NME8: variants seen among roughly 807,000 people sequenced by gnomAD.
NME8 encodes the protein NME/NM23 family member 8.
NME8 carries 72 observed loss-of-function variants against 82.3 expected under a neutral mutation model. The observed-to-expected ratio is 0.87, with a 90% CI of 0.72 to 1.06. The LOEUF (loss-of-function observed/expected upper bound fraction) is 1.06, where lower values mean the gene tolerates loss of function less well. NME8 is among the 50% of genes least tolerant of loss of function. The pLI is 0.00. For missense variants in NME8, 712 were observed against 685.4 expected, an observed-to-expected ratio of 1.04 and a Z score of -0.43; for synonymous variants, 267 against 228.5, an observed-to-expected ratio of 1.17 and a Z score of -1.52.
At chr7:37,891,696 GC>G in intron 15 of NME8, among the ~76,000 whole-genome samples, 1 of 151,800 alleles carries the variant, frequency 6.6e-6, no homozygotes, top group East Asian at 1.9e-4. Context: ...GGCCAGTAAA[GC>G]CCCTTCCTCA....
intron 10 of NME8, 128 bp downstream of exon 10, chr7:37,865,745 G>T (rs1467130669): frequency 4.4e-6 from 3 of 683,598 alleles, no homozygotes; most frequent in African/African-American, 3.6e-5. Flanking sequence ...TGGTGTCCCT[G>T]TTGGTGTCCA....
intron 8 of NME8, among the ~76,000 whole-genome samples, chr7:37,864,056 T>C (rs1784637522): frequency 6.6e-6 from 1 of 152,220 alleles, no homozygotes; most frequent in African/African-American, 2.4e-5. Flanking sequence ...CTGTGTGTGA[T>C]TCTTACGCAT....
chr7:37,861,967 T>C, intron 6 of NME8, 61 bp from the exon 7 acceptor site: 1 of 993,650 alleles, frequency 1.0e-6, no homozygotes, highest in South Asian at 1.3e-5. Context: ...CCAGTTTAAG[T>C]GTTAGTTCTT....
At chr7:37,895,909 G>C (rs76182950) in intron 16 of NME8, among the ~76,000 whole-genome samples, 13,351 of 152,204 alleles carry the variant, frequency 0.088, 976 homozygotes, top group Admixed American at 0.22. Context: ...GTGTGTAAGA[G>C]GCTATTCTAT....
At chr7:37,856,467 G>T (rs1412041524) in intron 5 of NME8, among the ~76,000 whole-genome samples, 1 of 152,064 alleles carries the variant, frequency 6.6e-6, no homozygotes, top group Non-Finnish European at 1.5e-5. Flanking sequence ...AATGATTGTT[G>T]TTCAGCCACC....
chr7:37,882,583 GAAAGAA>G (rs1562838082), intron 12 of NME8, among the ~76,000 whole-genome samples: 5 of 54,268 alleles, frequency 9.2e-5, no homozygotes, highest in Non-Finnish European at 1.5e-4. Context: ...AAGAAAGAAA[GAAAGAA>G]AGAAAGAAAG....
intron 15 of NME8, among the ~76,000 whole-genome samples, chr7:37,891,796 AAAG>A (rs1379699039): frequency 3.3e-5 from 5 of 151,978 alleles, no homozygotes; most frequent in African/African-American, 1.2e-4. Context: ...AACAACAAAA[AAAG>A]TTGGGATGGA....
At chr7:37,894,640 T>C (rs747011568) in intron 16 of NME8, 30 bp downstream of exon 16, 1 of 1,533,032 alleles carries the variant, frequency 6.5e-7, no homozygotes, top group Non-Finnish European at 9.0e-7. Flanking sequence ...TTGTTTGCAT[T>C]ATAAAAGTGG....
Position 37,864,373 on chromosome 7 carries a change from C to G in NME8, c.480C>G (p.Ile160Met), listed in dbSNP as rs1204096636. Residue 160 changes from isoleucine to methionine, a missense_variant, in exon 9 of 18, where the codon ATC becomes ATG. By Grantham distance (10) the Ile-to-Met change is conservative (BLOSUM62 1). Coordinates refer to ENST00000199447, the MANE Select transcript of NME8 (RefSeq NM_016616.5). ...AGGAATTATACAGTATTGCTATTAT[C>G]AAACCGGATGCTGTGATTAGTAAAA... ...SVQELYSIAI[I>M]KPDAVISKKV... 6.3e-7 allele frequency: 1 copy of G among 1,591,350 alleles called. No individual in the cohort carries two copies. The highest frequency in any genetic ancestry group is 1.7e-5 in the Admixed American group (1 of 59,394).
intron 16 of NME8, 66 bp from the exon 17 acceptor site, chr7:37,896,804 T>TAAA: frequency 7.4e-7 from 1 of 1,352,952 alleles, no homozygotes; most frequent in South Asian, 1.2e-5. Context: ...GTTCTGTCTT[T>TAAA]AGCCTTGTTT....
At chr7:37,864,718 T>A (rs143361484) in intron 9 of NME8, among the ~76,000 whole-genome samples, 1 of 152,278 alleles carries the variant, frequency 6.6e-6, no homozygotes, top group East Asian at 1.9e-4. Context: ...TATCTGAGAC[T>A]GGGCAATTTA....
In NME8 at chr7:37,865,047, T is replaced by C. The variant is rs1043878712; in HGVS notation, c.529-478T>C. Among the ~76,000 whole-genome samples the C allele has an allele frequency of 2.6e-5, 4 of 152,146 alleles. No homozygotes were observed. In the East Asian group the frequency reaches 5.8e-4, roughly 22 times the overall value. On this transcript the variant is annotated intron_variant, in intron 9 of 17. Coordinates refer to ENST00000199447, the MANE Select transcript of NME8 (RefSeq NM_016616.5). ...ACAGAGCCAAACCATATCATTCTGCTCCTGGCCCCTACCAAATGTCATGTT... is the reference window on the plus strand; with the variant it reads ...ACAGAGCCAAACCATATCATTCTGCCCCTGGCCCCTACCAAATGTCATGTT...
chr7:37,881,749 G>A (rs77665845), intron 12 of NME8, among the ~76,000 whole-genome samples: 2,096 of 152,138 alleles, frequency 0.014, 24 homozygotes, highest in Non-Finnish European at 0.021. Context: ...TTCCTTAAAC[G>A]TTTTGTAGAA....
chr7:37,900,376 CA>C lies in NME8; in HGVS notation c.*150del. The C allele has an allele frequency of 6.6e-6, 1 of 152,028 alleles. No homozygotes were observed. Among genetic ancestry groups the C allele is most frequent in the Non-Finnish European group, 1.5e-5 (1 of 67,972 alleles). The allele number at this position is 152,028 out of a possible 1,614,324, so 9.4% of individuals were successfully genotyped here. On this transcript the variant is annotated 3_prime_UTR_variant, in exon 18 of 18. Transcript: ENST00000199447. Reference sequence around the variant, plus strand: ...AAAAATGAATGGCTATGCATAATAACAATAAAAATGTATTCCCCAAACAAAT... The same window carrying C: ...AAAAATGAATGGCTATGCATAATAACATAAAAATGTATTCCCCAAACAAAT...
rs955211927 is a variant in NME8, at chr7:37,855,412, G to A, written c.199-1862G>A. ...GATAGCCCTGATCATAAACCCAACTGCAATGCATAAAATGGTTGAGTTAGC... is the reference window on the plus strand; with the variant it reads ...GATAGCCCTGATCATAAACCCAACTACAATGCATAAAATGGTTGAGTTAGC... On this transcript the variant is annotated intron_variant, in intron 5 of 17. Transcript: ENST00000199447. Among the ~76,000 whole-genome samples the A allele has an allele frequency of 3.3e-5, 5 of 152,108 alleles. 1 individual carries two copies. The highest frequency in any genetic ancestry group is 3.3e-4 in the Admixed American group (5 of 15,250).
intron 11 of NME8, among the ~76,000 whole-genome samples, chr7:37,868,254 A>AT (rs1192884488): frequency 6.6e-6 from 1 of 152,132 alleles, no homozygotes; most frequent in East Asian, 1.9e-4. Flanking sequence ...GTTTAGGGAT[A>AT]TTTATGGACC....
chr7:37,865,209 A>T (rs2131949974), intron 9 of NME8, among the ~76,000 whole-genome samples: 1 of 152,360 alleles, frequency 6.6e-6, no homozygotes, highest in South Asian at 2.1e-4. Context: ...AGCCAGTTAG[A>T]TCAAAAGCAA....
At chr7:37,877,384 T>C (rs574922253) in intron 12 of NME8, among the ~76,000 whole-genome samples, 1 of 152,240 alleles carries the variant, frequency 6.6e-6, no homozygotes, top group African/African-American at 2.4e-5. Context: ...ATTCAGAACA[T>C]TAAAATGAGA....
At chr7:37,864,507 G>A in intron 9 of NME8, 86 bp downstream of exon 9, 2 of 1,337,348 alleles carry the variant, frequency 1.5e-6, no homozygotes, top group Non-Finnish European at 2.1e-6. Context: ...GTACCATTTA[G>A]AGTGAAATAG....
Sources: gnomAD v4.1 joint callset for allele counts (sites outside exome capture counted in the v4.1 genomes callset) on GRCh38, gnomAD v4.1.1 for gene constraint, MANE v1.5 for transcripts, NCBI Gene and HGNC (gene_info 2026-07-23, HGNC 2026-07-21) for gene names.